OSBPL10: variants seen among roughly 807,000 people sequenced by gnomAD.
The protein encoded by OSBPL10 is oxysterol binding protein like 10, also known as oxysterol-binding protein-related protein 10.
OSBPL10 carries 49 observed loss-of-function variants against 81.7 expected under a neutral mutation model. The observed-to-expected ratio is 0.60, with a 90% CI of 0.48 to 0.76. OSBPL10 has a LOEUF of 0.76. OSBPL10 is among the 30% of genes least tolerant of loss of function. OSBPL10 has a pLI of 0.00. For synonymous variants in OSBPL10, 419 were observed against 383.6 expected (o/e 1.09, Z -1.08); for missense variants, 923 against 987.8 (o/e 0.93, Z 0.88).
At chr3:31,676,568 A>G (rs1209264215) in intron 8 of OSBPL10, among the ~76,000 whole-genome samples, 3 of 152,246 alleles carry the variant, frequency 2.0e-5, no homozygotes, top group African/African-American at 4.8e-5. Flanking sequence ...GAACCAAAAT[A>G]TTCAGCTGGG....
chr3:31,918,227 T>TA (rs1696811355), intron 1 of OSBPL10, among the ~76,000 whole-genome samples: 1 of 152,216 alleles, frequency 6.6e-6, no homozygotes, highest in African/African-American at 2.4e-5. Context: ...TCTTTTGCTT[T>TA]AAAAAATAGT....
At chr3:31,870,467 G>A (rs1008966320) in intron 3 of OSBPL10, among the ~76,000 whole-genome samples, 9 of 152,246 alleles carry the variant, frequency 5.9e-5, no homozygotes, top group Non-Finnish European at 1.0e-4. Context: ...ATAGCACCCA[G>A]TCCTATCAAC....
At chr3:31,924,184 A>C (rs894548452) in intron 1 of OSBPL10, among the ~76,000 whole-genome samples, 14 of 150,122 alleles carry the variant, frequency 9.3e-5, no homozygotes, top group African/African-American at 3.2e-4. Flanking sequence ...ATGCCACTGC[A>C]CTCCAGCCCA....
At chr3:31,915,188 A>G (rs943238746) in intron 1 of OSBPL10, among the ~76,000 whole-genome samples, 1 of 151,644 alleles carries the variant, frequency 6.6e-6, no homozygotes, top group Non-Finnish European at 1.5e-5. Context: ...TAGCCATTGA[A>G]TGGTAACAGG....
At chr3:31,789,194 G>A (rs1203709104) in intron 4 of OSBPL10, among the ~76,000 whole-genome samples, 1 of 152,030 alleles carries the variant, frequency 6.6e-6, no homozygotes, top group East Asian at 1.9e-4. Flanking sequence ...GTCATGCTGG[G>A]ATTACAGGTG....
At chr3:31,867,006 A>AT (rs1451613480) in intron 3 of OSBPL10, among the ~76,000 whole-genome samples, 1 of 152,218 alleles carries the variant, frequency 6.6e-6, no homozygotes, top group Non-Finnish European at 1.5e-5. Context: ...CCAAATTTGC[A>AT]TAAGACTTTA....
intron 4 of OSBPL10, among the ~76,000 whole-genome samples, chr3:31,801,628 G>A (rs1300351467): frequency 2.0e-5 from 3 of 152,162 alleles, no homozygotes; most frequent in African/African-American, 2.4e-5. Flanking sequence ...GACAAAAGAT[G>A]TAGGTCCGTG....
chr3:31,742,671 G>T (rs542323015), intron 5 of OSBPL10, among the ~76,000 whole-genome samples: 1 of 152,246 alleles, frequency 6.6e-6, no homozygotes, highest in South Asian at 2.1e-4. Flanking sequence ...GCATCTGCCC[G>T]AACTCAAACC....
intron 4 of OSBPL10, among the ~76,000 whole-genome samples, chr3:31,781,678 A>C (rs115419367): frequency 0.016 from 2,496 of 152,340 alleles, 65 homozygotes; most frequent in African/African-American, 0.056. Context: ...GTTTAGAATC[A>C]AATCAAGAAC....
At chr3:31,833,104 G>C (rs1042633962) in intron 3 of OSBPL10, among the ~76,000 whole-genome samples, 4 of 152,202 alleles carry the variant, frequency 2.6e-5, no homozygotes, top group Non-Finnish European at 5.9e-5. Flanking sequence ...CACTTGGAGA[G>C]TAGAGGGAGA....
intron 3 of OSBPL10, among the ~76,000 whole-genome samples, chr3:31,836,654 A>C (rs529846431): frequency 6.6e-6 from 1 of 151,992 alleles, no homozygotes; most frequent in South Asian, 2.1e-4. Flanking sequence ...AAGTCAACTG[A>C]AAGCACTGTC....
chr3:31,960,766 T>C (rs1232335746), intron 1 of OSBPL10, among the ~76,000 whole-genome samples: 2 of 152,128 alleles, frequency 1.3e-5, no homozygotes, highest in Non-Finnish European at 2.9e-5. Flanking sequence ...CCATCAGCCA[T>C]GTGCCATCTG....
chr3:32,030,481 AT>A (rs1420249313), intron 2 of OSBPL10: 1 of 701,842 alleles, frequency 1.4e-6, no homozygotes, highest in Non-Finnish European at 2.6e-6. Flanking sequence ...TATTAAGCGT[AT>A]TAAGCACTCT....
intron 8 of OSBPL10, among the ~76,000 whole-genome samples, chr3:31,673,934 C>T (rs1468135451): frequency 1.3e-5 from 2 of 151,938 alleles, no homozygotes; most frequent in Non-Finnish European, 2.9e-5. Flanking sequence ...GCATGCACCA[C>T]CATACCCAAC....
At chr3:31,830,808 A>G (rs1411930451) in intron 3 of OSBPL10, among the ~76,000 whole-genome samples, 1 of 152,242 alleles carries the variant, frequency 6.6e-6, no homozygotes, top group Non-Finnish European at 1.5e-5. Context: ...TAATAATGTC[A>G]TCTATATGCA....
chr3:31,814,971 A>C (rs529637863), intron 4 of OSBPL10, among the ~76,000 whole-genome samples: 29 of 152,338 alleles, frequency 1.9e-4, no homozygotes, highest in African/African-American at 6.7e-4. Flanking sequence ...GCCATAAAAT[A>C]TGGCAGAAGT....
chr3:31,931,998 T>C (rs534720394), intron 1 of OSBPL10, among the ~76,000 whole-genome samples: 16 of 152,022 alleles, frequency 1.1e-4, no homozygotes, highest in Non-Finnish European at 2.4e-4. Context: ...GCCAAGATCA[T>C]GCCACTGCAC....
At chr3:31,883,182 GC>G (rs1443914314) in intron 1 of OSBPL10, among the ~76,000 whole-genome samples, 2 of 151,564 alleles carry the variant, frequency 1.3e-5, no homozygotes, top group Non-Finnish European at 2.9e-5. Context: ...TGCCATGTGT[GC>G]CCCCCTACAC....
chr3:31,912,244 A>C (rs903196138), intron 1 of OSBPL10, among the ~76,000 whole-genome samples: 7 of 152,022 alleles, frequency 4.6e-5, no homozygotes, highest in Admixed American at 4.6e-4. Flanking sequence ...AAATACAAAA[A>C]TTAGCTGGGC....
Sources: gnomAD v4.1 joint callset for allele counts (sites outside exome capture counted in the v4.1 genomes callset) on GRCh38, gnomAD v4.1.1 for gene constraint, MANE v1.5 for transcripts, NCBI Gene and HGNC (gene_info 2026-07-23, HGNC 2026-07-21) for gene names.